Variants in SCAP observed in about 807,000 individuals in gnomAD.
SCAP encodes the protein sterol regulatory element-binding protein cleavage-activating protein.
Under a neutral mutation model 123.6 loss-of-function variants are expected in SCAP, and 65 were observed. That is an observed-to-expected ratio of 0.53 (90% confidence interval 0.43 to 0.65). The LOEUF (loss-of-function observed/expected upper bound fraction) is 0.65, where lower values mean the gene tolerates loss of function less well. Among genes scored for constraint, SCAP ranks in the 30% least tolerant of loss-of-function variants. The probability of loss-of-function intolerance (pLI) is 0.00; values close to 1 mark genes in which losing one functional copy is unlikely to be tolerated. For missense variants in SCAP, 1,398 were observed against 1,712.5 expected (o/e 0.82, Z 3.24); for synonymous variants, 740 against 726.3 (o/e 1.02, Z -0.30).
rs1705617501 is a variant in SCAP at position 47,417,139 on chromosome 3, C to T, written c.3039G>A (p.Leu1013=). The change falls in exon 18 of 23, where the codon CTG becomes CTA. Residue 1013 remains leucine (L), a synonymous_variant. Transcript: ENST00000265565. ...ACGCTCACCTTTTGTCCAAGAACAC[C>T]AGAGCGGTAATGCCTGAGGAGACCT... is the stretch of plus-strand genomic sequence containing the variant. The part of the protein sequence containing the change: ...SEEVSSGITA[L]VFLDKRIVAA... The T allele has an allele frequency of 6.2e-7, 1 of 1,612,974 alleles. No individual in the cohort carries two copies. The highest frequency in any genetic ancestry group is 1.1e-5 in the South Asian group (1 of 91,094).
At chr3:47,434,902 T>C in intron 3 of SCAP, 106 bp downstream of exon 3, 1 of 1,404,796 alleles carries the variant, frequency 7.1e-7, no homozygotes, top group Non-Finnish European at 1.0e-6. Flanking sequence ...GTACATGAAT[T>C]CACAAATCAG....
rs1470254136 is a variant in SCAP at position 47,417,346 on chromosome 3, C to T, written c.2928G>A (p.Gln976=). ...TCCGCCCCACCACGATGAGGTTGCC[C>T]TGCAGCTCCAAGCTCCAGATGGAAC... The part of the protein sequence containing the change: ...AEGSIWSLEL[Q]GNLIVVGRSS... Residue 976 remains glutamine (Q), a synonymous_variant, in exon 17 of 23, where the codon CAG becomes CAA. Transcript: ENST00000265565. 3 of 1,611,686 alleles carry T rather than the reference C, an allele frequency of 1.9e-6. 1 individual carries two copies. In the Middle Eastern group the frequency reaches 5.0e-4, roughly 266 times the overall value.
chr3:47,464,740 G>A (rs77481436), intron 1 of SCAP, among the ~76,000 whole-genome samples: 9,755 of 152,158 alleles, frequency 0.064, 435 homozygotes, highest in Non-Finnish European at 0.097. Flanking sequence ...GTACTGAAAA[G>A]TTTTAGCCAG....
At chr3:47,417,034 TGAA>T (rs1705611363) in intron 18 of SCAP, 85 bp downstream of exon 18, 1 of 1,187,098 alleles carries the variant, frequency 8.4e-7, no homozygotes, top group Non-Finnish European at 1.2e-6. Context: ...GTACAGCAGT[TGAA>T]GAGAACCAGA....
intron 14 of SCAP, 52 bp from the exon 15 acceptor site, chr3:47,418,574 C>A: frequency 6.4e-7 from 1 of 1,550,714 alleles, no homozygotes; most frequent in East Asian, 2.4e-5. Context: ...CTGTCCCCTC[C>A]CCTCCTCCCT....
chr3:47,470,576 A>C (rs1707989918), intron 1 of SCAP, among the ~76,000 whole-genome samples: 1 of 152,194 alleles, frequency 6.6e-6, no homozygotes, highest in Non-Finnish European at 1.5e-5. Context: ...AAAGAAAAGA[A>C]CCTTTGCGGG....
chr3:47,443,061 A>G lies in SCAP; in HGVS notation c.-68T>C. On this transcript the variant is annotated 5_prime_UTR_variant, in exon 2 of 23. Transcript: ENST00000265565. The stretch of plus-strand genomic sequence containing the variant: ...TGGATCACCCTGGCACACACTTGAC[A>G]GCACTGACAAAGAACAACATGTGCA... The G allele has an allele frequency of 6.2e-7, 1 of 1,606,304 alleles. No homozygotes were observed. The highest frequency in any genetic ancestry group is 1.1e-5 in the South Asian group (1 of 90,184).
At chr3:47,444,941 T>G (rs1706971786) in intron 1 of SCAP, among the ~76,000 whole-genome samples, 1 of 151,572 alleles carries the variant, frequency 6.6e-6, no homozygotes, top group African/African-American at 2.4e-5. Flanking sequence ...CTGGCTAATT[T>G]TTGTATTTTT....
In SCAP at chr3:47,426,125, C is replaced by A. The variant is rs1423480827; in HGVS notation, c.782G>T (p.Ser261Ile). Residue 261 changes from serine to isoleucine, a missense_variant, in exon 7 of 23, where the codon AGC becomes ATC. By Grantham distance (142) the Ser-to-Ile change is moderately radical (BLOSUM62 -2). Around this residue, in one of 7 missense-constraint regions of SCAP, gnomAD observed 319 missense variants for 432.4 expected, o/e 0.74. Coordinates refer to ENST00000265565, the MANE Select transcript of SCAP (RefSeq NM_012235.4). ...CTCCGCCCGAAGGCTGCAGTTGGGG[C>A]TGGGGTGCAGAAGCATCAGGCGGGC... is the stretch of plus-strand genomic sequence containing the variant. ...LRARLMLLHP[S>I]PNCSLRAESL... The A allele has an allele frequency of 6.2e-7, 1 of 1,613,868 alleles. No individual in the cohort carries two copies. Among genetic ancestry groups the A allele is most frequent in the Non-Finnish European group, 8.5e-7 (1 of 1,179,960 alleles).
chr3:47,414,535 G>C, intron 21 of SCAP, 37 bp downstream of exon 21: 1 of 1,611,438 alleles, frequency 6.2e-7, no homozygotes, highest in Non-Finnish European at 8.5e-7. Flanking sequence ...ATGGGCCACA[G>C]ACTCTGTACC....
upstream of SCAP, among the ~76,000 whole-genome samples, chr3:47,476,438 A>G (rs1157393324): frequency 6.6e-6 from 1 of 152,144 alleles, no homozygotes; most frequent in Non-Finnish European, 1.5e-5. Context: ...CCTGCACAAG[A>G]TGCTCATGTT....
chr3:47,415,114 G>A lies in SCAP; in HGVS notation c.3123C>T (p.Ser1041=). Residue 1041 remains serine, a synonymous_variant, in exon 19 of 23, where the codon AGC becomes AGT. Transcript: ENST00000265565. ...FFSLETHTAL[S]PLQFRGTPGR... ...CCCTCCGACCTCTAAACTGCAGGGG[G>A]CTGAGGGCAGTGTGGGTCTCCAAGG... 2 of 1,611,610 alleles carry A rather than the reference G, an allele frequency of 1.2e-6. No individual in the cohort carries two copies. Among genetic ancestry groups the A allele is most frequent in the Non-Finnish European group, 1.7e-6 (2 of 1,179,240 alleles).
Position 47,413,987 on chromosome 3 carries a change from A to ACTGT in SCAP, c.3703_3706dup (p.Val1236AspfsTer9). The stretch of plus-strand genomic sequence containing the variant: ...GGCCTCACTGTTCTTCCCCAGGTAG[A>ACTGT]CTGTCTGTAACAGGTCCCCGTAGTT... On this transcript the variant is annotated frameshift_variant, in exon 23 of 23. Transcript: ENST00000265565. LOFTEE classifies it high-confidence loss of function. 6.2e-7 allele frequency: 1 copy of ACTGT among 1,613,286 alleles called. No individual in the cohort carries two copies. The highest frequency in any genetic ancestry group is 8.5e-7 in the Non-Finnish European group (1 of 1,180,012).
intron 1 of SCAP, among the ~76,000 whole-genome samples, chr3:47,471,878 T>C (rs1204285914): frequency 6.6e-6 from 1 of 152,030 alleles, no homozygotes; most frequent in Admixed American, 6.6e-5. Flanking sequence ...TGGTGGTTCA[T>C]GCCTGTAATC....
At chr3:47,467,435 T>G (rs1044783591) in intron 1 of SCAP, among the ~76,000 whole-genome samples, 1 of 151,260 alleles carries the variant, frequency 6.6e-6, no homozygotes, top group Non-Finnish European at 1.5e-5. Flanking sequence ...TGAAACCCCA[T>G]CTCCACAAAA....
At chr3:47,455,688 A>G (rs563585372) in intron 1 of SCAP, among the ~76,000 whole-genome samples, 1 of 152,224 alleles carries the variant, frequency 6.6e-6, no homozygotes, top group South Asian at 2.1e-4. Flanking sequence ...AACATGCCAC[A>G]TTCTTAATGA....
intron 3 of SCAP, among the ~76,000 whole-genome samples, chr3:47,433,446 AAGAG>A (rs1706447298): frequency 1.3e-5 from 2 of 152,196 alleles, no homozygotes; most frequent in African/African-American, 4.8e-5. Context: ...CCATCATTCA[AAGAG>A]CTCACAAACA....
chr3:47,473,604 A>G (rs1195339469), intron 1 of SCAP, among the ~76,000 whole-genome samples: 3 of 152,180 alleles, frequency 2.0e-5, no homozygotes, highest in Non-Finnish European at 2.9e-5. Context: ...AGAGCCGGTA[A>G]AACACTGGCA....
intron 18 of SCAP, among the ~76,000 whole-genome samples, 155 bp downstream of exon 18, chr3:47,416,967 C>T (rs969855092): frequency 6.6e-6 from 1 of 152,238 alleles, no homozygotes; most frequent in African/African-American, 2.4e-5. Flanking sequence ...TCCAAGTGGA[C>T]TGCCCTCTGC....
Sources: allele counts gnomAD v4.1 joint callset (sites outside exome capture counted in the v4.1 genomes callset), GRCh38; gene constraint gnomAD v4.1.1; regional missense constraint gnomAD v4.1.1; transcripts MANE v1.5; gene names NCBI Gene and HGNC (gene_info 2026-07-23, HGNC 2026-07-21).